Variants in CDH13 observed in about 807,000 individuals in gnomAD.
CDH13 encodes the protein cadherin-13.
Under a neutral mutation model 63.8 loss-of-function variants are expected in CDH13, and 24 were observed. That is an observed-to-expected ratio of 0.38 (90% CI 0.27 to 0.53). CDH13 has a LOEUF of 0.53. Among genes scored for constraint, CDH13 ranks in the 20% least tolerant of loss-of-function variants. CDH13 has a pLI of 0.85. For missense variants in CDH13, 1,049 were observed against 903.1 expected, an observed-to-expected ratio of 1.16 and a Z score of -2.07; for synonymous variants, 503 against 355.3, an observed-to-expected ratio of 1.42 and a Z score of -4.67.
chr16:82,830,460 C>A, intron 1 of CDH13, among the ~76,000 whole-genome samples: 1 of 151,924 alleles, frequency 6.6e-6, no homozygotes, highest in East Asian at 1.9e-4. Flanking sequence ...TAGTGCCTGG[C>A]ACAATGACCA....
chr16:82,875,158 G>A (rs1275270882), intron 2 of CDH13, among the ~76,000 whole-genome samples: 1 of 152,188 alleles, frequency 6.6e-6, no homozygotes, highest in Non-Finnish European at 1.5e-5. Context: ...GTGTCACAAA[G>A]TTTTTGCGTA....
chr16:82,652,478 C>G (rs754773442), intron 1 of CDH13, among the ~76,000 whole-genome samples: 28 of 152,336 alleles, frequency 1.8e-4, no homozygotes, highest in Middle Eastern at 3.4e-3. Flanking sequence ...GTTGCTGTCA[C>G]TGCACCAGCA....
intron 2 of CDH13, among the ~76,000 whole-genome samples, chr16:82,980,155 G>A (rs1360626860): frequency 1.3e-5 from 2 of 152,202 alleles, no homozygotes; most frequent in Middle Eastern, 3.2e-3. Flanking sequence ...AGTGGAGACA[G>A]TGAGGTGTGT....
At chr16:83,608,842 T>G (rs1220978426) in intron 8 of CDH13, among the ~76,000 whole-genome samples, 1 of 152,064 alleles carries the variant, frequency 6.6e-6, no homozygotes, top group Non-Finnish European at 1.5e-5. Flanking sequence ...ATTGTGTTAA[T>G]TAACTGCCTA....
intron 13 of CDH13, among the ~76,000 whole-genome samples, chr16:83,787,597 C>T (rs1915971939): frequency 6.6e-6 from 1 of 152,192 alleles, no homozygotes; most frequent in South Asian, 2.1e-4. Context: ...GCCAGACAGA[C>T]CACAAGCCCA....
chr16:83,178,427 T>C (rs1299163024), intron 4 of CDH13, among the ~76,000 whole-genome samples: 1 of 152,206 alleles, frequency 6.6e-6, no homozygotes, highest in Non-Finnish European at 1.5e-5. Context: ...AAGATTCTTC[T>C]TGGGACCATA....
At chr16:82,905,703 C>G (rs1323102620) in intron 2 of CDH13, among the ~76,000 whole-genome samples, 1 of 152,032 alleles carries the variant, frequency 6.6e-6, no homozygotes, top group Non-Finnish European at 1.5e-5. Context: ...TACTTTAACC[C>G]ATATCTAAAA....
chr16:83,400,979 G>GCCTC (rs140788066), intron 6 of CDH13, among the ~76,000 whole-genome samples: 14,519 of 152,122 alleles, frequency 0.095, 915 homozygotes, highest in Middle Eastern at 0.16. Context: ...GGAGGTGAAG[G>GCCTC]GATCACTTGA....
intron 2 of CDH13, among the ~76,000 whole-genome samples, chr16:82,883,709 C>A (rs567266557): frequency 1.3e-5 from 2 of 152,174 alleles, no homozygotes. Context: ...TGAGCTCGTG[C>A]CCAGAATGGA....
At chr16:82,935,054 A>T (rs529878311) in intron 2 of CDH13, among the ~76,000 whole-genome samples, 1 of 152,268 alleles carries the variant, frequency 6.6e-6, no homozygotes, top group East Asian at 1.9e-4. Flanking sequence ...TTATTAGTCT[A>T]TTCTCACACT....
At chr16:83,389,790 G>A (rs182221792) in intron 6 of CDH13, among the ~76,000 whole-genome samples, 1 of 152,196 alleles carries the variant, frequency 6.6e-6, no homozygotes, top group Non-Finnish European at 1.5e-5. Context: ...TTTGCCAGGT[G>A]AGTCTGAGTT....
chr16:83,410,011 T>C (rs2092103271), intron 6 of CDH13, among the ~76,000 whole-genome samples: 2 of 152,242 alleles, frequency 1.3e-5, no homozygotes, highest in Non-Finnish European at 2.9e-5. Context: ...AAACAACTTT[T>C]ATCAAAATGT....
intron 5 of CDH13, among the ~76,000 whole-genome samples, chr16:83,334,973 T>A (rs770555861): frequency 3.3e-5 from 5 of 152,160 alleles, no homozygotes; most frequent in African/African-American, 1.2e-4. Flanking sequence ...GTAAGGGCAA[T>A]GTAAGTGTCA....
At chr16:83,178,611 T>C (rs1234657136) in intron 4 of CDH13, among the ~76,000 whole-genome samples, 3 of 152,204 alleles carry the variant, frequency 2.0e-5, no homozygotes, top group South Asian at 4.1e-4. Flanking sequence ...ATGATCACTT[T>C]GTGAATTCTG....
chr16:83,136,529 A>G (rs938087370), intron 4 of CDH13, among the ~76,000 whole-genome samples: 8 of 151,786 alleles, frequency 5.3e-5, no homozygotes, highest in African/African-American at 1.9e-4. Context: ...CACTAGAGGA[A>G]GGAGAAACAT....
chr16:83,133,574 C>T (rs1013549807), intron 4 of CDH13, among the ~76,000 whole-genome samples: 5 of 152,210 alleles, frequency 3.3e-5, no homozygotes, highest in African/African-American at 1.2e-4. Context: ...TCTGTGCTCA[C>T]TGCAACCTCT....
At chr16:83,003,614 A>T in intron 2 of CDH13, among the ~76,000 whole-genome samples, 1 of 152,246 alleles carries the variant, frequency 6.6e-6, no homozygotes, top group East Asian at 1.9e-4. Flanking sequence ...CACATTGGTC[A>T]GTGCATATCA....
chr16:83,404,754 A>G (rs1407228674), intron 6 of CDH13, among the ~76,000 whole-genome samples: 2 of 152,198 alleles, frequency 1.3e-5, no homozygotes, highest in South Asian at 2.1e-4. Context: ...ACAAACATGT[A>G]TATCCTTTTG....
intron 5 of CDH13, among the ~76,000 whole-genome samples, chr16:83,266,732 A>T (rs569189556): frequency 1.3e-5 from 2 of 152,336 alleles, no homozygotes; most frequent in African/African-American, 4.8e-5. Context: ...AACAAACATC[A>T]CAACCTGTGG....
Sources: gnomAD v4.1 joint callset for allele counts (sites outside exome capture counted in the v4.1 genomes callset) on GRCh38, gnomAD v4.1.1 for gene constraint, MANE v1.5 for transcripts, NCBI Gene and HGNC (gene_info 2026-07-23, HGNC 2026-07-21) for gene names.